The following MAFF variants were observed in gnomAD, a reference collection of about 807,000 sequenced individuals.
MAFF encodes MAF bZIP transcription factor F.
A neutral mutation model predicts 2.7 loss-of-function variants in MAFF; 4 were observed. The ratio of observed to expected loss-of-function variants is 1.48; its 90% CI spans 0.73 to 3.39. The LOEUF (loss-of-function observed/expected upper bound fraction) is 3.39. Ranked by LOEUF, MAFF falls within the 30% of genes most tolerant of loss-of-function variation. The pLI is 0.01. For missense variants in MAFF, 190 were observed against 246.6 expected, an observed-to-expected ratio of 0.77 and a Z score of 1.54; for synonymous variants, 113 against 119.4, an observed-to-expected ratio of 0.95 and a Z score of 0.35.
At chr22:38,207,052 C>T (rs986195318) in intron 1 of MAFF, among the ~76,000 whole-genome samples, 1 of 152,112 alleles carries the variant, frequency 6.6e-6, no homozygotes, top group Admixed American at 6.6e-5. Flanking sequence ...CCAGGGAGGT[C>T]GCCCTGCCAG....
rs552676863 is a variant in MAFF at position 38,204,640 on chromosome 22, G to A, written c.-32+2428G>A. Among the ~76,000 whole-genome samples the A allele has an allele frequency of 4.3e-4, 65 of 152,300 alleles. 1 individual carries two copies. The South Asian group carries it at 0.013, about 31-fold the overall frequency. ...AATCTTGAAGCAGTCTCCCAAAAGC[G>A]AGCAAATCCTTCAGGACTCAGGCAA... is the stretch of plus-strand genomic sequence containing the variant. On this transcript the variant is annotated intron_variant, in intron 1 of 2. Transcript: ENST00000338483.
In MAFF at chr22:38,214,773, C is replaced by T. The variant is rs950557644; in HGVS notation, c.390C>T (p.Leu130=). The change falls in exon 3 of 3, where the codon CTC becomes CTT. Residue 130 remains leucine (L), a synonymous_variant. Transcript: ENST00000338483. The surrounding 1 kb of genome is among the most constrained non-coding windows in gnomAD (Gnocchi z 6.3). ...CCGCCGCCCGCGGGCCCGCCACGCTCGTGGCGCCGGCCAGCGTCATCACCA... is the reference window on the plus strand; with the variant it reads ...CCGCCGCCCGCGGGCCCGCCACGCTTGTGGCGCCGGCCAGCGTCATCACCA... ...SVAAARGPAT[L]VAPASVITIV... is the part of the protein sequence containing the mutation. 11 of 1,441,366 alleles carry T rather than the reference C, an allele frequency of 7.6e-6. No individual in the cohort carries two copies. Among genetic ancestry groups the T allele is most frequent in the Admixed American group, 3.0e-5 (1 of 33,314 alleles). The allele number at this position is 1,441,366 out of a possible 1,614,324, so 89.3% of individuals were successfully genotyped here.
chr22:38,208,214 A>G (rs1172955395), intron 1 of MAFF, among the ~76,000 whole-genome samples: 1 of 152,026 alleles, frequency 6.6e-6, no homozygotes, highest in Non-Finnish European at 1.5e-5. Context: ...AGTGTATACC[A>G]CTTGATTCCA....
At chr22:38,213,176 C>CAAAAAAAAAAAAAAAAAAAAA (rs57782814) in intron 1 of MAFF, among the ~76,000 whole-genome samples, 1 of 114,084 alleles carries the variant, frequency 8.8e-6, no homozygotes, top group East Asian at 2.7e-4. Context: ...GACTCTGTCT[C>CAAAAAAAAAAAAAAAAAAAAA]AAAAAAAAAA....
intron 1 of MAFF, among the ~76,000 whole-genome samples, chr22:38,208,888 G>C (rs138124793): frequency 6.6e-6 from 1 of 151,988 alleles, no homozygotes; most frequent in Non-Finnish European, 1.5e-5. Context: ...GCAAGAAAGC[G>C]CGGGTGGGAG....
chr22:38,207,532 C>T (rs574094364), intron 1 of MAFF, among the ~76,000 whole-genome samples: 19 of 144,484 alleles, frequency 1.3e-4, no homozygotes, highest in Non-Finnish European at 2.5e-4. Context: ...GCTCCATCTC[C>T]GGGTTCACGC....
In MAFF at chr22:38,214,756, C is replaced by G; in HGVS notation, c.373C>G (p.Arg125Gly). ...QGFARSVAAARGPATLVAPAS... is the reference protein window; with the variant it reads ...QGFARSVAAAGGPATLVAPAS... ...CTTCGCGCGCTCCGTGGCCGCCGCC[C>G]GCGGGCCCGCCACGCTCGTGGCGCC... is the stretch of plus-strand genomic sequence containing the variant. The change falls in exon 3 of 3, where the codon CGC (arginine) becomes GGC (glycine). Residue 125 changes from arginine to glycine, a missense_variant. Arg to Gly is a moderately radical substitution (Grantham distance 125, BLOSUM62 -2). Transcript: ENST00000338483. This position sits in a 1 kb window ranked among gnomAD's most constrained non-coding sequence, Gnocchi z 6.3. 1 of 1,408,340 alleles carries G rather than the reference C, an allele frequency of 7.1e-7. No homozygotes were observed. Among genetic ancestry groups the G allele is most frequent in the Non-Finnish European group, 9.2e-7 (1 of 1,089,916 alleles). 87.2% of individuals were successfully genotyped at this position (1,408,340 alleles called of 1,614,324 possible).
chr22:38,211,643 T>A (rs2091102527), intron 1 of MAFF, among the ~76,000 whole-genome samples: 1 of 152,214 alleles, frequency 6.6e-6, no homozygotes, highest in Admixed American at 6.5e-5. Context: ...CACAGCTACC[T>A]GTGTCACCCA....
chr22:38,214,026 G>T lies in MAFF; in HGVS notation c.36+137G>T. The T allele has an allele frequency of 1.1e-6, 1 of 898,594 alleles. No homozygotes were observed. The highest frequency in any genetic ancestry group is 1.7e-6 in the Non-Finnish European group (1 of 571,636). 55.7% of individuals were successfully genotyped at this position (898,594 alleles called of 1,614,324 possible). On this transcript the variant is annotated intron_variant, in intron 2 of 2. Coordinates refer to ENST00000338483, the MANE Select transcript of MAFF (RefSeq NM_012323.4). The surrounding 1 kb of genome is among the most constrained non-coding windows in gnomAD (Gnocchi z 6.3). ...CACCAGGCCTTCATGATGCCAAAGG[G>T]AAGGGCCACAGCCATGGGCTGGGAC...
At chr22:38,212,001 A>AT (rs915886437) in intron 1 of MAFF, among the ~76,000 whole-genome samples, 6 of 151,810 alleles carry the variant, frequency 4.0e-5, no homozygotes, top group Admixed American at 1.3e-4. Flanking sequence ...TTATTTATTT[A>AT]TTTTTTTTGA....
At chr22:38,208,136 T>C (rs2091067571) in intron 1 of MAFF, among the ~76,000 whole-genome samples, 1 of 152,196 alleles carries the variant, frequency 6.6e-6, no homozygotes, top group African/African-American at 2.4e-5. Flanking sequence ...ACCCCAGTGC[T>C]GGCTACAGGC....
chr22:38,208,014 C>A (rs2091066685), intron 1 of MAFF, among the ~76,000 whole-genome samples: 1 of 152,190 alleles, frequency 6.6e-6, no homozygotes, highest in Non-Finnish European at 1.5e-5. Flanking sequence ...CTCTCTGGGT[C>A]TCTACCTCCC....
intron 1 of MAFF, among the ~76,000 whole-genome samples, chr22:38,208,171 A>G (rs1281357508): frequency 6.6e-6 from 1 of 152,176 alleles, no homozygotes; most frequent in African/African-American, 2.4e-5. Context: ...ACAGACAGCA[A>G]TTCTAACCTC....
chr22:38,213,439 T>A, intron 1 of MAFF: 1 of 341,798 alleles, frequency 2.9e-6, no homozygotes, highest in Admixed American at 3.9e-5. Flanking sequence ...GAGAAACAAA[T>A]CATAGATGAG....
At chr22:38,209,159 G>A (rs367959576) in intron 1 of MAFF, among the ~76,000 whole-genome samples, 251 of 152,040 alleles carry the variant, frequency 1.7e-3, no homozygotes, top group African/African-American at 5.8e-3. Flanking sequence ...TTCACCTCCC[G>A]GGTTCACGCC....
chr22:38,213,715 C>T, intron 1 of MAFF, 108 bp from the exon 2 acceptor site: 1 of 808,256 alleles, frequency 1.2e-6, no homozygotes, highest in South Asian at 1.4e-5. Context: ...AGGTATGAAT[C>T]AGTTCTAAGA....
rs535718221 is a variant in MAFF, at chr22:38,202,381, C to A, written c.-32+169C>A. ...GAGAAGGGAGCGGCCGTCCCGGGGA[C>A]GCCGAGGACGGGGCCGAGGCCAGCT... On this transcript the variant is annotated intron_variant, in intron 1 of 2. Coordinates refer to ENST00000338483, the MANE Select transcript of MAFF (RefSeq NM_012323.4). The surrounding 1 kb of genome is among the most constrained non-coding windows in gnomAD (Gnocchi z 7.4). 167 of 151,926 alleles carry A rather than the reference C, an allele frequency of 1.1e-3. 2 individuals are homozygous for A. The highest frequency in any genetic ancestry group is 3.7e-3 in the African/African-American group (154 of 41,474). The allele number at this position is 151,926 out of a possible 1,614,324, so 9.4% of individuals were successfully genotyped here.
chr22:38,212,163 G>A (rs2091106302), intron 1 of MAFF, among the ~76,000 whole-genome samples: 1 of 152,068 alleles, frequency 6.6e-6, no homozygotes, highest in African/African-American at 2.4e-5. Context: ...CCACGCCTGG[G>A]CTAATTTTTG....
At chr22:38,213,198 A>AAAAAAG (rs2091115383) in intron 1 of MAFF, among the ~76,000 whole-genome samples, 1 of 120,398 alleles carries the variant, frequency 8.3e-6, no homozygotes. Flanking sequence ...AAAAAAAAAA[A>AAAAAAG]AAAGAAAGAA....
Sources: allele counts gnomAD v4.1 joint callset (sites outside exome capture counted in the v4.1 genomes callset), GRCh38; gene constraint gnomAD v4.1.1; non-coding constraint Gnocchi (gnomAD v3.1); transcripts MANE v1.5; gene names NCBI Gene and HGNC (gene_info 2026-07-23, HGNC 2026-07-21).